ADAM22: variants seen among roughly 807,000 people sequenced by gnomAD.
The protein encoded by ADAM22 is ADAM metallopeptidase domain 22.
Under a neutral mutation model 144.6 loss-of-function variants are expected in ADAM22, and 65 were observed. The observed-to-expected ratio is 0.45, with a 90% confidence interval of 0.37 to 0.55. The LOEUF is 0.55. Ranked by LOEUF, ADAM22 falls within the 20% of genes least tolerant of loss-of-function variation. ADAM22 has a pLI of 0.00. For synonymous variants in ADAM22, 391 were observed against 412.6 expected, an observed-to-expected ratio of 0.95 and a Z score of 0.63; for missense variants, 974 against 1,184.9, an observed-to-expected ratio of 0.82 and a Z score of 2.61.
At chr7:88,186,336 T>C (rs537291537) in intron 29 of ADAM22, 1 of 401,598 alleles carries the variant, frequency 2.5e-6, no homozygotes, top group Non-Finnish European at 4.5e-6. Context: ...GTACTGTGAT[T>C]GAAAGGGAGC....
At chr7:88,189,627 C>T (rs1199941352) in intron 30 of ADAM22, among the ~76,000 whole-genome samples, 3 of 152,118 alleles carry the variant, frequency 2.0e-5, no homozygotes, top group African/African-American at 2.4e-5. Flanking sequence ...TGACTTGAAT[C>T]CTCTCTTAGT....
rs184197312 is a variant in ADAM22 at position 87,940,704 on chromosome 7, C to T, written c.246+5518C>T. Among the ~76,000 whole-genome samples, 32 of 152,262 alleles carry T rather than the reference C, an allele frequency of 2.1e-4. 1 individual carries two copies. Among genetic ancestry groups the T allele is most frequent in the Admixed American group, 1.4e-3 (21 of 15,300 alleles). ...AGTAATTATATTTGACTGTGGGTAG[C>T]CTTGCTATCTTCAAAGTTGTTTACC... On this transcript the variant is annotated intron_variant, in intron 2 of 31. Transcript: ENST00000413139.
intron 3 of ADAM22, among the ~76,000 whole-genome samples, chr7:87,999,758 T>TA (rs1792091236): frequency 1.3e-5 from 2 of 152,214 alleles, no homozygotes; most frequent in Non-Finnish European, 2.9e-5. Flanking sequence ...AAAAATTATT[T>TA]AAACCTTAAG....
At chr7:88,176,642 T>A (rs1845743121) in intron 26 of ADAM22, among the ~76,000 whole-genome samples, 1 of 152,220 alleles carries the variant, frequency 6.6e-6, no homozygotes. Flanking sequence ...AAGTGAGGCC[T>A]TACTTAATGT....
intron 3 of ADAM22, among the ~76,000 whole-genome samples, chr7:88,037,351 C>T (rs9641021): frequency 0.49 from 74,606 of 151,890 alleles, 18,641 homozygotes; most frequent in East Asian, 0.63. Context: ...TCTTATTCTT[C>T]ATTGGACCTA....
At chr7:88,038,958 T>A (rs1202746253) in intron 3 of ADAM22, among the ~76,000 whole-genome samples, 1 of 151,840 alleles carries the variant, frequency 6.6e-6, no homozygotes, top group Non-Finnish European at 1.5e-5. Flanking sequence ...TTTTTTAGTT[T>A]TTTGTAGAGG....
chr7:88,073,616 T>G (rs1813416401), intron 3 of ADAM22, among the ~76,000 whole-genome samples: 1 of 152,164 alleles, frequency 6.6e-6, no homozygotes, highest in Non-Finnish European at 1.5e-5. Context: ...TAATTTAAAG[T>G]GCACAGTGAG....
Position 88,171,654 on chromosome 7 carries a change from CTT to C in ADAM22, c.2300+95_2300+96del, listed in dbSNP as rs569684069. ...ATACATGCAATTATAATTAAGTTCA[CTT>C]TGTTTTTATGTATAATAATCATACA... On this transcript the variant is annotated intron_variant, in intron 26 of 31. Coordinates refer to ENST00000413139, the MANE Select transcript of ADAM22 (RefSeq NM_001324418.2). 448 of 1,187,542 alleles carry C rather than the reference CTT, an allele frequency of 3.8e-4. 1 individual carries two copies. The African/African-American group carries it at 5.7e-3, about 15-fold the overall frequency. 73.6% of individuals were successfully genotyped at this position (1,187,542 alleles called of 1,614,324 possible).
chr7:88,122,794 TG>T (rs1317999892), intron 7 of ADAM22, among the ~76,000 whole-genome samples: 1 of 152,240 alleles, frequency 6.6e-6, no homozygotes, highest in Non-Finnish European at 1.5e-5. Context: ...GAAATTCTGC[TG>T]GGCAAATGTT....
rs10234524 is a variant in ADAM22, at chr7:88,092,285, C to G, written c.391-15891C>G. 9.0e-3 allele frequency among the ~76,000 whole-genome samples: 1,373 copies of G among 152,266 alleles called. 26 individuals are homozygous for G. Among genetic ancestry groups the G allele is most frequent in the African/African-American group, 0.032 (1,312 of 41,544 alleles). On this transcript the variant is annotated intron_variant, in intron 4 of 31. Coordinates refer to ENST00000413139, the MANE Select transcript of ADAM22 (RefSeq NM_001324418.2). ...AAAGAGCTTCAAAATACCCATCCCC[C>G]CTACCTCTTTTACCCTCCGTTCCAC...
chr7:88,182,610 C>T lies in ADAM22; in HGVS notation c.2663+586C>T, dbSNP rs887751629. Among the ~76,000 whole-genome samples the T allele has an allele frequency of 7.2e-5, 11 of 152,032 alleles. 1 individual carries two copies. The highest frequency in any genetic ancestry group is 1.9e-4 in the East Asian group (1 of 5,188). ...CATTGTCACTAAATGCAACATTATCCGTTTTAAATGATAGCCATGCATTTA... is the reference window on the plus strand; with the variant it reads ...CATTGTCACTAAATGCAACATTATCTGTTTTAAATGATAGCCATGCATTTA... On this transcript the variant is annotated intron_variant, in intron 29 of 31. Transcript: ENST00000413139.
At chr7:88,002,738 G>C (rs1465390515) in intron 3 of ADAM22, among the ~76,000 whole-genome samples, 1 of 152,162 alleles carries the variant, frequency 6.6e-6, no homozygotes, top group Non-Finnish European at 1.5e-5. Context: ...TTTCCTTTAT[G>C]CACCTTGGAG....
At chr7:87,986,572 T>A (rs1262560553) in intron 3 of ADAM22, among the ~76,000 whole-genome samples, 1 of 152,192 alleles carries the variant, frequency 6.6e-6, no homozygotes, top group Non-Finnish European at 1.5e-5. Context: ...GCCAAACTCA[T>A]GGGTGAGGAG....
intron 4 of ADAM22, among the ~76,000 whole-genome samples, chr7:88,092,220 C>A (rs930501946): frequency 1.3e-5 from 2 of 152,106 alleles, no homozygotes; most frequent in Non-Finnish European, 2.9e-5. Flanking sequence ...ATACCATTAT[C>A]CTGCCAAGAG....
At chr7:88,117,676 T>C (rs796553702) in intron 7 of ADAM22, among the ~76,000 whole-genome samples, 11 of 150,540 alleles carry the variant, frequency 7.3e-5, no homozygotes, top group African/African-American at 2.7e-4. Flanking sequence ...CTCCACTATT[T>C]AGTGAGCCTT....
chr7:88,151,161 A>G (rs1838236166), intron 19 of ADAM22, 96 bp from the exon 20 acceptor site: 3 of 1,535,522 alleles, frequency 2.0e-6, no homozygotes, highest in Non-Finnish European at 1.8e-6. Context: ...CCTCTCTACT[A>G]TTCATCTATT....
chr7:87,972,615 C>T (rs550986820), intron 2 of ADAM22, among the ~76,000 whole-genome samples: 15 of 152,212 alleles, frequency 9.9e-5, no homozygotes, highest in Admixed American at 3.9e-4. Flanking sequence ...AAAAAGAGCC[C>T]GCATCGCCAA....
rs1219225144 is a variant in ADAM22 at position 88,113,687 on chromosome 7, TATAA to T, written c.474-881_474-878del. Among the ~76,000 whole-genome samples the T allele has an allele frequency of 2.6e-3, 177 of 68,980 alleles. 3 individuals carry two copies. Among genetic ancestry groups the T allele is most frequent in the African/African-American group, 7.9e-3 (120 of 15,124 alleles). The allele number at this position is 68,980 out of a possible 152,430, so 45.3% of individuals were successfully genotyped here. A position where few individuals can be genotyped will look rare whatever the true frequency, so the allele number is the denominator to read the frequency against. On this transcript the variant is annotated intron_variant, in intron 5 of 31. Coordinates refer to ENST00000413139, the MANE Select transcript of ADAM22 (RefSeq NM_001324418.2). ...GTATATATATATATAATATATATATTATAAATAAATAAATAAATATATATATATA... is the reference window on the plus strand; with the variant it reads ...GTATATATATATATAATATATATATTATAAATAAATAAATATATATATATA...
intron 3 of ADAM22, among the ~76,000 whole-genome samples, chr7:88,002,952 A>G (rs1236781543): frequency 6.6e-6 from 1 of 152,244 alleles, no homozygotes; most frequent in African/African-American, 2.4e-5. Flanking sequence ...GAACCTTAGT[A>G]AAAACTGGCA....
Sources: gnomAD v4.1 joint callset for allele counts (sites outside exome capture counted in the v4.1 genomes callset) on GRCh38, gnomAD v4.1.1 for gene constraint, MANE v1.5 for transcripts, NCBI Gene and HGNC (gene_info 2026-07-23, HGNC 2026-07-21) for gene names.